ESPNL: variants seen among roughly 807,000 people sequenced by gnomAD.
The protein encoded by ESPNL is espin like.
ESPNL carries 49 observed loss-of-function variants against 46.8 expected under a neutral mutation model. That is an observed-to-expected ratio of 1.05 (90% CI 0.83 to 1.33). ESPNL has a LOEUF of 1.33. ESPNL is among the 40% of genes most tolerant of loss of function. ESPNL has a pLI of 0.00. For missense variants in ESPNL, 1,540 were observed against 1,436.6 expected (o/e 1.07, Z -1.16); for synonymous variants, 664 against 662.1 (o/e 1.00, Z -0.04).
chr2:238,126,705 CTTGTGTCTGTGTGTCTCTGCGTATGA>C (rs1449934591), intron 6 of ESPNL, among the ~76,000 whole-genome samples: 2 of 136,272 alleles, frequency 1.5e-5, no homozygotes, highest in Non-Finnish European at 3.2e-5. Context: ...TCTGTGTATG[CTTGTGTCTGTGTGTCTCTGCGTATGA>C]TTGTGTCTGT....
intron 5 of ESPNL, among the ~76,000 whole-genome samples, chr2:238,118,096 T>A (rs1008619259): frequency 1.6e-5 from 1 of 61,592 alleles, no homozygotes; most frequent in Non-Finnish European, 3.1e-5. Context: ...TGAAGGAGGG[T>A]GGATGGAGGA....
chr2:238,106,472 C>A (rs1691601313), intron 3 of ESPNL, among the ~76,000 whole-genome samples: 1 of 152,212 alleles, frequency 6.6e-6, no homozygotes, highest in Non-Finnish European at 1.5e-5. Flanking sequence ...GACTGCAGCC[C>A]CTCCCGGTGC....
chr2:238,124,326 T>C (rs1176470768), intron 5 of ESPNL, among the ~76,000 whole-genome samples: 1 of 152,180 alleles, frequency 6.6e-6, no homozygotes, highest in East Asian at 1.9e-4. Context: ...AGAGGGACGG[T>C]GGCATGCGGC....
chr2:238,126,059 T>C (rs1458587658), intron 6 of ESPNL, among the ~76,000 whole-genome samples: 1 of 151,534 alleles, frequency 6.6e-6, no homozygotes, highest in Non-Finnish European at 1.5e-5. Flanking sequence ...TGTGTGTATG[T>C]GTGTGATTGT....
intron 3 of ESPNL, among the ~76,000 whole-genome samples, chr2:238,105,710 G>T (rs538666213): frequency 1.3e-5 from 2 of 152,114 alleles, no homozygotes; most frequent in Non-Finnish European, 2.9e-5. Flanking sequence ...AGACAGAGGC[G>T]CTGGGAGGAC....
Position 238,131,207 on chromosome 2 carries a change from C to A in ESPNL, c.2493C>A (p.Arg831=), listed in dbSNP as rs761561233. 6 of 1,546,352 alleles carry A rather than the reference C, an allele frequency of 3.9e-6. No individual in the cohort carries two copies. The South Asian group carries it at 5.9e-5, about 15-fold the overall frequency. ...RQLRRLSRQP[R]GALSPEQFLP... is the part of the protein sequence containing the mutation. Reference sequence around the variant, plus strand: ...TGCGGCGGCTGAGCCGGCAGCCCCGCGGGGCTTTGTCCCCCGAGCAGTTCC... The same window carrying A: ...TGCGGCGGCTGAGCCGGCAGCCCCGAGGGGCTTTGTCCCCCGAGCAGTTCC... Residue 831 remains arginine, a synonymous_variant, in exon 9 of 9, where the codon CGC becomes CGA. Transcript: ENST00000343063.
At chr2:238,126,760 CTGTG>C (rs1186548391) in intron 6 of ESPNL, among the ~76,000 whole-genome samples, 3 of 147,158 alleles carry the variant, frequency 2.0e-5, no homozygotes, top group African/African-American at 7.6e-5. Flanking sequence ...GTGATTGTGT[CTGTG>C]TATCTGTGTG....
At position 238,132,408 on chromosome 2, in the gene ESPNL, G is replaced by C. The variant is rs1190297832; in HGVS notation, c.*676G>C. The C allele has an allele frequency of 6.6e-6, 1 of 152,068 alleles. No homozygotes were observed. The allele number at this position is 152,068 out of a possible 1,614,324, so 9.4% of individuals were successfully genotyped here. ...CTCCAGCCTGACCAGCCCTGGCCTA[G>C]TCGTGGGCCCCAGCAAGGCTGGAGA... On this transcript the variant is annotated 3_prime_UTR_variant, in exon 9 of 9. Transcript: ENST00000343063.
intron 8 of ESPNL, 32 bp downstream of exon 8, chr2:238,128,936 C>T (rs1331054817): frequency 1.1e-5 from 16 of 1,516,120 alleles, no homozygotes; most frequent in South Asian, 6.0e-5. Flanking sequence ...GACCAGTGGG[C>T]GGGGCGGGGC....
rs182240751 is a variant in ESPNL, at chr2:238,125,385, G to T, written c.1102+1G>T. On this transcript the variant is annotated splice_donor_variant, in intron 6 of 8. Coordinates refer to ENST00000343063, the MANE Select transcript of ESPNL (RefSeq NM_194312.4). LOFTEE classifies it high-confidence loss of function. ...GGCCCAGGGCCAGGGAACCCCAGCC[G>T]TGAGTGCACAGCCCCAAGTGGGCCA... 3.3e-5 allele frequency: 51 copies of T among 1,533,812 alleles called. No individual in the cohort carries two copies. The highest frequency in any genetic ancestry group is 4.4e-5 in the Non-Finnish European group (50 of 1,137,786).
chr2:238,101,552 A>G (rs1490876440), intron 1 of ESPNL, among the ~76,000 whole-genome samples: 1 of 152,178 alleles, frequency 6.6e-6, no homozygotes, highest in African/African-American at 2.4e-5. Context: ...CCCTGTGGCC[A>G]GCGGGAGGGC....
At chr2:238,113,643 A>G (rs1241314461) in intron 4 of ESPNL, among the ~76,000 whole-genome samples, 1 of 152,154 alleles carries the variant, frequency 6.6e-6, no homozygotes, top group African/African-American at 2.4e-5. Flanking sequence ...TGGGCCTAGG[A>G]TCATCTTAAT....
intron 4 of ESPNL, among the ~76,000 whole-genome samples, chr2:238,113,382 T>C (rs1162241700): frequency 2.6e-5 from 4 of 152,202 alleles, no homozygotes; most frequent in East Asian, 3.8e-4. Flanking sequence ...TTTTACTCTG[T>C]TATTTTGAGG....
chr2:238,100,663 A>G lies in ESPNL; in HGVS notation c.244A>G (p.Ser82Gly). Reference protein sequence around the residue: ...TPAHDAAATGSLAELCWLVRE... With the variant: ...TPAHDAAATGGLAELCWLVRE... The stretch of plus-strand genomic sequence containing the variant: ...AGCGCATGACGCCGCTGCCACGGGC[A>G]GCCTGGCCGAGCTGTGCTGGCTGGT... Residue 82 changes from serine to glycine, a missense_variant, in exon 1 of 9, where the codon AGC (serine) becomes GGC (glycine). By Grantham distance (56) the Ser-to-Gly change is moderately conservative. Coordinates refer to ENST00000343063, the MANE Select transcript of ESPNL (RefSeq NM_194312.4). The G allele has an allele frequency of 6.9e-7, 1 of 1,447,296 alleles. No individual in the cohort carries two copies. 89.7% of individuals were successfully genotyped at this position (1,447,296 alleles called of 1,614,324 possible).
Position 238,100,530 on chromosome 2 carries a change from C to T in ESPNL, c.111C>T (p.Ala37=), listed in dbSNP as rs746074223. ...CGGGCATCACCGATGCTCTGGGGGC[C>T]GGCCTGGTTCACCACGCCACCCGGG... ...LGPGITDALG[A]GLVHHATRAG... is the part of the protein sequence containing the mutation. Residue 37 remains alanine (A), a synonymous_variant, in exon 1 of 9, where the codon GCC becomes GCT. Transcript: ENST00000343063. 34 of 1,594,546 alleles carry T rather than the reference C, an allele frequency of 2.1e-5. No homozygotes were observed. In the Middle Eastern group the frequency reaches 8.4e-4, roughly 40 times the overall value.
intron 5 of ESPNL, among the ~76,000 whole-genome samples, chr2:238,119,418 GAGGGTAGA>G (rs1163416645): frequency 1.3e-4 from 19 of 146,838 alleles, no homozygotes; most frequent in South Asian, 2.2e-4. Context: ...GTGGATGGAG[GAGGGTAGA>G]TGGAGGAGGG....
chr2:238,102,244 C>A, intron 2 of ESPNL, 113 bp downstream of exon 2: 2 of 935,768 alleles, frequency 2.1e-6, no homozygotes, highest in Non-Finnish European at 3.1e-6. Context: ...GTGAATCCTG[C>A]AGGCGGGCAT....
At chr2:238,104,586 G>A in intron 2 of ESPNL, 70 bp from the exon 3 acceptor site, 5 of 1,453,224 alleles carry the variant, frequency 3.4e-6, no homozygotes, top group South Asian at 2.8e-5. Context: ...CAGCGGTGAA[G>A]TCCAAGCAGC....
chr2:238,128,507 A>C (rs1692193440), intron 7 of ESPNL, among the ~76,000 whole-genome samples, 200 bp from the exon 8 acceptor site: 1 of 151,876 alleles, frequency 6.6e-6, no homozygotes, highest in African/African-American at 2.4e-5. Flanking sequence ...CGCCCCCTCC[A>C]GTCCCTCCCC....
Sources: allele counts gnomAD v4.1 joint callset (sites outside exome capture counted in the v4.1 genomes callset), GRCh38; gene constraint gnomAD v4.1.1; transcripts MANE v1.5; gene names NCBI Gene and HGNC (gene_info 2026-07-23, HGNC 2026-07-21).